GSE1: variants seen among roughly 807,000 people sequenced by gnomAD.
GSE1 encodes genetic suppressor element 1.
Under a neutral mutation model 112.6 loss-of-function variants are expected in GSE1, and 32 were observed. The observed-to-expected ratio is 0.28, with a 90% CI of 0.21 to 0.38. The LOEUF (loss-of-function observed/expected upper bound fraction) is 0.38, where lower values mean the gene tolerates loss of function less well. Among genes scored for constraint, GSE1 ranks in the 10% least tolerant of loss-of-function variants. The pLI is 1.00. For synonymous variants in GSE1, 1,115 were observed against 735.6 expected (o/e 1.52, Z -8.35); for missense variants, 2,348 against 1,699.2 (o/e 1.38, Z -6.71).
intron 3 of GSE1, among the ~76,000 whole-genome samples, chr16:85,653,401 G>T (rs2151912338): frequency 6.8e-6 from 1 of 146,478 alleles, no homozygotes; most frequent in East Asian, 2.1e-4. Flanking sequence ...CCCTGCGTGT[G>T]TGCGGGGCAG....
chr16:85,605,390 G>T (rs1036094613), intron 1 of GSE1, among the ~76,000 whole-genome samples: 1 of 152,162 alleles, frequency 6.6e-6, no homozygotes, highest in Middle Eastern at 3.4e-3. Flanking sequence ...CTGGTCTGGC[G>T]CCGAGAAGTG....
intron 1 of GSE1, among the ~76,000 whole-genome samples, chr16:85,246,200 T>TACACACACACACACACACACAC (rs545313239): frequency 6.7e-5 from 6 of 89,054 alleles, no homozygotes; most frequent in Non-Finnish European, 1.2e-4. Context: ...TCAGGGACCC[T>TACACACACACACACACACACAC]ACACACACAC....
At chr16:85,396,549 C>T in intron 2 of GSE1, among the ~76,000 whole-genome samples, 1 of 152,380 alleles carries the variant, frequency 6.6e-6, no homozygotes, top group South Asian at 2.1e-4. Context: ...CTGGCCACTG[C>T]CAGAGGCAGC....
At chr16:85,365,369 C>T (rs1332301662) in intron 2 of GSE1, among the ~76,000 whole-genome samples, 1 of 152,246 alleles carries the variant, frequency 6.6e-6, no homozygotes, top group African/African-American at 2.4e-5. Flanking sequence ...TTCACTCCTG[C>T]ACTCCGCCTC....
intron 1 of GSE1, among the ~76,000 whole-genome samples, chr16:85,234,839 T>A (rs539575811): frequency 0.01 from 1,559 of 152,148 alleles, 20 homozygotes; most frequent in African/African-American, 0.036. Context: ...CGCCAGCGAA[T>A]ACGGCCCAGC....
chr16:85,334,679 C>T (rs921736984), intron 1 of GSE1, among the ~76,000 whole-genome samples: 4 of 152,176 alleles, frequency 2.6e-5, no homozygotes, highest in Non-Finnish European at 5.9e-5. Flanking sequence ...CATTTTTCTT[C>T]CCCCTAAATG....
At chr16:85,668,889 A>C (rs1184926779) in intron 14 of GSE1, among the ~76,000 whole-genome samples, 18 of 152,284 alleles carry the variant, frequency 1.2e-4, no homozygotes, top group Admixed American at 7.2e-4. Context: ...AGCTGCCTTT[A>C]CTTTAGCCAA....
intron 8 of GSE1, among the ~76,000 whole-genome samples, chr16:85,658,177 C>T (rs1319084687): frequency 2.0e-5 from 3 of 152,224 alleles, no homozygotes; most frequent in Admixed American, 1.3e-4. Flanking sequence ...CCAGTGCCCC[C>T]AGTCCTCCCT....
chr16:85,559,806 CAA>C (rs2045424720), intron 1 of GSE1, among the ~76,000 whole-genome samples: 2 of 152,320 alleles, frequency 1.3e-5, no homozygotes, highest in Admixed American at 1.3e-4. Context: ...CATTGTAAGT[CAA>C]GTTTGATTGG....
intron 2 of GSE1, among the ~76,000 whole-genome samples, chr16:85,437,141 C>G (rs2049267048): frequency 1.3e-5 from 2 of 152,116 alleles, no homozygotes; most frequent in African/African-American, 4.8e-5. Context: ...ACGAGGCGGC[C>G]TGCCCCTCCC....
At position 85,365,569 on chromosome 16, in the gene GSE1, T is replaced by C. The variant is rs562015365; in HGVS notation, c.2464+7926T>C. ...AGGATCTCTTGGAGCTTGGGGAGCG[T>C]CCTTGGGGACCACATTCAGTAGATG... On this transcript the variant is annotated intron_variant, in intron 2 of 2. Transcript: ENST00000637419. Among the ~76,000 whole-genome samples, 54 of 152,208 alleles carry C rather than the reference T, an allele frequency of 3.5e-4. 1 individual carries two copies. Among genetic ancestry groups the C allele is most frequent in the Admixed American group, 1.6e-3 (24 of 15,294 alleles).
intron 2 of GSE1, among the ~76,000 whole-genome samples, chr16:85,478,345 G>A (rs1001197246): frequency 6.6e-6 from 1 of 151,958 alleles, no homozygotes; most frequent in African/African-American, 2.4e-5. Flanking sequence ...TGGCCAACAT[G>A]GTGAAACCCC....
At chr16:85,450,844 T>C (rs568558659) in intron 2 of GSE1, among the ~76,000 whole-genome samples, 221 of 152,132 alleles carry the variant, frequency 1.5e-3, no homozygotes, top group African/African-American at 4.3e-3. Context: ...GCCGATCACC[T>C]AAGGTTAGGC....
chr16:85,665,278 C>G, intron 12 of GSE1, 150 bp downstream of exon 12: 2 of 609,436 alleles, frequency 3.3e-6, no homozygotes, highest in Non-Finnish European at 5.9e-6. Flanking sequence ...ACGATTCTTG[C>G]ACAGTTGTGA....
At chr16:85,650,566 A>G (rs1400236416) in intron 3 of GSE1, among the ~76,000 whole-genome samples, 1 of 152,114 alleles carries the variant, frequency 6.6e-6, no homozygotes, top group African/African-American at 2.4e-5. Flanking sequence ...CCCTCCTCGG[A>G]GGGTCCTTAC....
chr16:85,591,691 C>G (rs1469628785), intron 1 of GSE1, among the ~76,000 whole-genome samples: 2 of 152,238 alleles, frequency 1.3e-5, no homozygotes, highest in East Asian at 3.8e-4. Context: ...CTCACCGGGA[C>G]TCCGTCGGCT....
At chr16:85,380,723 A>T (rs1017170798) in intron 2 of GSE1, among the ~76,000 whole-genome samples, 1 of 152,048 alleles carries the variant, frequency 6.6e-6, no homozygotes, top group Non-Finnish European at 1.5e-5. Context: ...TCTAATTAAT[A>T]CTCACTGGGG....
At chr16:85,316,350 C>T (rs1352553486) in intron 1 of GSE1, among the ~76,000 whole-genome samples, 4 of 152,178 alleles carry the variant, frequency 2.6e-5, no homozygotes, top group Non-Finnish European at 5.9e-5. Context: ...CTTCAGAATC[C>T]GGTGTGTCTG....
chr16:85,395,203 A>C (rs900995884), intron 2 of GSE1, among the ~76,000 whole-genome samples: 3 of 152,074 alleles, frequency 2.0e-5, no homozygotes, highest in Non-Finnish European at 2.9e-5. Context: ...CGTTACCCTG[A>C]ATCCCTGGGA....
Sources: allele counts gnomAD v4.1 joint callset (sites outside exome capture counted in the v4.1 genomes callset), GRCh38; gene constraint gnomAD v4.1.1; transcripts MANE v1.5; gene names NCBI Gene and HGNC (gene_info 2026-07-23, HGNC 2026-07-21).